The following AK7 variants were observed in gnomAD, a reference collection of about 807,000 sequenced individuals.
The protein encoded by AK7 is ATP-AMP transphosphorylase 7.
Under a neutral mutation model 96.6 loss-of-function variants are expected in AK7, and 78 were observed. The observed-to-expected ratio is 0.81, with a 90% CI of 0.67 to 0.97. AK7 has a LOEUF of 0.97. AK7 is among the 50% of genes least tolerant of loss of function. The pLI, the probability that AK7 is intolerant of heterozygous loss-of-function variation, is 0.00. For synonymous variants in AK7, 302 were observed against 317.2 expected, an observed-to-expected ratio of 0.95 and a Z score of 0.51; for missense variants, 855 against 887.9, an observed-to-expected ratio of 0.96 and a Z score of 0.47.
rs774833713 is a variant in AK7, at chr14:96,451,441, A to G, written c.969A>G (p.Leu323=). The stretch of plus-strand genomic sequence containing the variant: ...TTCAGCAAGATTGTCTTGACCATTT[A>G]CTGGTCAACTTAAGAATGGAAGCGC... The part of the protein sequence containing the change: ...KDLTQDCLDH[L]LVNLRMEALF... The change falls in exon 10 of 18, where the codon TTA becomes TTG. Residue 323 remains leucine, a synonymous_variant. Transcript: ENST00000267584. 1 of 1,581,582 alleles carries G rather than the reference A, an allele frequency of 6.3e-7. No individual in the cohort carries two copies. The highest frequency in any genetic ancestry group is 2.3e-5 in the East Asian group (1 of 43,872).
At chr14:96,412,528 G>A (rs985568327) in intron 4 of AK7, among the ~76,000 whole-genome samples, 15 of 145,934 alleles carry the variant, frequency 1.0e-4, no homozygotes, top group African/African-American at 2.5e-4. Context: ...GCGCCCGGCC[G>A]TGACTCCTGG....
intron 2 of AK7, among the ~76,000 whole-genome samples, chr14:96,401,180 C>T (rs1007006365): frequency 2.6e-5 from 4 of 152,298 alleles, no homozygotes; most frequent in East Asian, 3.9e-4. Context: ...CACAGATGAA[C>T]GTGGAGCTCA....
At position 96,446,501 on chromosome 14, in the gene AK7, A is replaced by G. The variant is rs1893239949; in HGVS notation, c.780-16A>G. 6.2e-7 allele frequency: 1 copy of G among 1,610,050 alleles called. No homozygotes were observed. The highest frequency in any genetic ancestry group is 1.3e-5 in the African/African-American group (1 of 74,782). On this transcript the variant is annotated splice_polypyrimidine_tract_variant and intron_variant, in intron 7 of 17. Transcript: ENST00000267584. ...GCTTTTTCCCTTTGATGATTATTTTACCTGTGGGTCTGCAGAGTGATACAA... is the reference window on the plus strand; with the variant it reads ...GCTTTTTCCCTTTGATGATTATTTTGCCTGTGGGTCTGCAGAGTGATACAA...
Position 96,488,304 on chromosome 14 carries a change from G to A in AK7, c.2134-1G>A, listed in dbSNP as rs756187050. Reference sequence around the variant, plus strand: ...TTGACTTGTCTTTTTTTAAATTGTAGGCAGAATATCTCTTCAAGAACAATC... The same window carrying A: ...TTGACTTGTCTTTTTTTAAATTGTAAGCAGAATATCTCTTCAAGAACAATC... On this transcript the variant is annotated splice_acceptor_variant, in intron 17 of 17. Transcript: ENST00000267584. LOFTEE classifies it high-confidence loss of function. 2 of 1,610,424 alleles carry A rather than the reference G, an allele frequency of 1.2e-6. No homozygotes were observed. Among genetic ancestry groups the A allele is most frequent in the South Asian group, 2.2e-5 (2 of 90,844 alleles).
chr14:96,417,642 A>G (rs1891420444), intron 4 of AK7, among the ~76,000 whole-genome samples: 2 of 152,150 alleles, frequency 1.3e-5, no homozygotes, highest in African/African-American at 4.8e-5. Flanking sequence ...CTCTCTTTGT[A>G]TCTATGGCAA....
In AK7 at chr14:96,471,535, C is replaced by G; in HGVS notation, c.1415C>G (p.Pro472Arg). The change falls in exon 13 of 18, where the codon CCT becomes CGT. Residue 472 changes from proline to arginine, a missense_variant. Pro to Arg is a moderately radical substitution (Grantham distance 103). Transcript: ENST00000267584. ...RFMKEKLKSMPCRNQGYILDG... is the reference protein window; with the variant it reads ...RFMKEKLKSMRCRNQGYILDG... ...ATGAAAGAAAAGCTAAAATCAATGC[C>G]TTGCAGGAATCAAGGTTATATTTTG... 6.3e-7 allele frequency: 1 copy of G among 1,580,908 alleles called. No homozygotes were observed. Among genetic ancestry groups the G allele is most frequent in the East Asian group, 2.3e-5 (1 of 44,236 alleles).
chr14:96,435,682 G>T (rs991022214), intron 5 of AK7, among the ~76,000 whole-genome samples: 6 of 152,186 alleles, frequency 3.9e-5, no homozygotes, highest in Admixed American at 6.5e-5. Flanking sequence ...GTAGCCCTCG[G>T]TGGCGAGGTT....
At chr14:96,462,513 C>G (rs1264124430) in intron 12 of AK7, among the ~76,000 whole-genome samples, 1 of 152,172 alleles carries the variant, frequency 6.6e-6, no homozygotes, top group East Asian at 1.9e-4. Flanking sequence ...CCTCCATGTC[C>G]TAACTCCACT....
At chr14:96,453,541 G>T (rs993213435) in intron 10 of AK7, among the ~76,000 whole-genome samples, 2 of 152,202 alleles carry the variant, frequency 1.3e-5, no homozygotes, top group African/African-American at 4.8e-5. Flanking sequence ...CCTTTAGCAA[G>T]GAAAAGTCAT....
chr14:96,476,712 A>AT (rs978506919), intron 14 of AK7, among the ~76,000 whole-genome samples: 1 of 152,166 alleles, frequency 6.6e-6, no homozygotes, highest in Non-Finnish European at 1.5e-5. Context: ...GAGAATGAAC[A>AT]TTTTTTTAAA....
chr14:96,473,529 A>G (rs528976789), intron 14 of AK7, among the ~76,000 whole-genome samples: 9 of 151,682 alleles, frequency 5.9e-5, no homozygotes, highest in Admixed American at 1.3e-4. Flanking sequence ...TGCCTAGAGT[A>G]GCCCAATATC....
At position 96,429,426 on chromosome 14, in the gene AK7, G is replaced by A. The variant is rs149941311; in HGVS notation, c.610-8409G>A. ...CTCCAGCTTTGTTCTTTTTGCTTAC[G>A]ATTGTCTTGGCAATGCGGGCTCTTT... On this transcript the variant is annotated intron_variant, in intron 5 of 17. Coordinates refer to ENST00000267584, the MANE Select transcript of AK7 (RefSeq NM_152327.5). 6.2e-3 allele frequency among the ~76,000 whole-genome samples: 943 copies of A among 152,240 alleles called. 16 individuals carry two copies. Among genetic ancestry groups the A allele is most frequent in the African/African-American group, 0.021 (874 of 41,528 alleles).
intron 6 of AK7, among the ~76,000 whole-genome samples, chr14:96,441,650 A>AG (rs1418363553): frequency 6.6e-6 from 1 of 151,244 alleles, no homozygotes; most frequent in Non-Finnish European, 1.5e-5. Context: ...CTCAAAAAAA[A>AG]AAAAAAAAAA....
At chr14:96,468,398 C>T (rs1225447615) in intron 12 of AK7, among the ~76,000 whole-genome samples, 1 of 150,168 alleles carries the variant, frequency 6.7e-6, no homozygotes, top group Non-Finnish European at 1.5e-5. Context: ...CAGGTTCATG[C>T]CATTCTCCTA....
intron 5 of AK7, among the ~76,000 whole-genome samples, chr14:96,432,119 G>C (rs529830332): frequency 1.3e-5 from 2 of 151,518 alleles, no homozygotes; most frequent in Non-Finnish European, 2.9e-5. Flanking sequence ...TTCTCTTGCC[G>C]GATTGGCCAG....
intron 7 of AK7, among the ~76,000 whole-genome samples, chr14:96,444,247 G>A (rs907971840): frequency 1.3e-5 from 2 of 152,072 alleles, no homozygotes; most frequent in African/African-American, 2.4e-5. Flanking sequence ...TGGAGGGGCC[G>A]AAACATACCC....
At chr14:96,398,546 C>T in intron 2 of AK7, 1 of 426,354 alleles carries the variant, frequency 2.3e-6, no homozygotes, top group South Asian at 2.3e-5. Flanking sequence ...TTCTGCCTTG[C>T]ATTATCCAAG....
At chr14:96,425,480 A>ATTTT (rs35861988) in intron 5 of AK7, among the ~76,000 whole-genome samples, 19,928 of 118,854 alleles carry the variant, frequency 0.17, 2,420 homozygotes, top group South Asian at 0.28. Context: ...AGTCACACTG[A>ATTTT]TTTTTTTTTT....
chr14:96,398,050 T>A lies in AK7; in HGVS notation c.106-25T>A, dbSNP rs187794852. The A allele has an allele frequency of 3.0e-4, 473 of 1,603,168 alleles. 3 individuals carry two copies. In the African/African-American group the frequency reaches 5.2e-3, roughly 17 times the overall value. On this transcript the variant is annotated intron_variant, in intron 1 of 17. Transcript: ENST00000267584. The stretch of plus-strand genomic sequence containing the variant: ...CCTGACTCTAATTTTCTCTTACCAT[T>A]TGGGAAATTTCTGTTTCCTTGCAGT...
Sources: gnomAD v4.1 joint callset for allele counts (sites outside exome capture counted in the v4.1 genomes callset) on GRCh38, gnomAD v4.1.1 for gene constraint, MANE v1.5 for transcripts, NCBI Gene and HGNC (gene_info 2026-07-23, HGNC 2026-07-21) for gene names.